FAT4: variants seen among roughly 807,000 people sequenced by gnomAD.
FAT4 encodes the protein protocadherin Fat 4.
Under a neutral mutation model 303.9 loss-of-function variants are expected in FAT4, and 84 were observed. The observed-to-expected ratio is 0.28, with a 90% CI of 0.23 to 0.33. The LOEUF (loss-of-function observed/expected upper bound fraction) is 0.33. Among genes scored for constraint, FAT4 ranks in the 10% least tolerant of loss-of-function variants. The pLI is 1.00. For missense variants in FAT4, 6,005 were observed against 6,146.8 expected, an observed-to-expected ratio of 0.98 and a Z score of 0.77; for synonymous variants, 2,307 against 2,298.8, an observed-to-expected ratio of 1.00 and a Z score of -0.10.
At chr4:125,439,393 C>T (rs1316144316) in intron 8 of FAT4, among the ~76,000 whole-genome samples, 3 of 150,372 alleles carry the variant, frequency 2.0e-5, no homozygotes, top group Admixed American at 6.6e-5. Context: ...CGTGCTGCGT[C>T]GTGATCTCAG....
intron 15 of FAT4, among the ~76,000 whole-genome samples, chr4:125,480,291 G>A (rs1727182450): frequency 6.6e-6 from 1 of 151,962 alleles, no homozygotes; most frequent in Admixed American, 6.6e-5. Flanking sequence ...ATCATACAGA[G>A]CCATCATAAT....
Position 125,452,365 on chromosome 4 carries a change from T to A in FAT4, c.11355T>A (p.Phe3785Leu). Residue 3785 changes from phenylalanine to leucine, a missense_variant, in exon 10 of 18, where the codon TTT (phenylalanine) becomes TTA (leucine). Physicochemically the swap from Phe to Leu is conservative, Grantham distance 22. Transcript: ENST00000394329. Reference protein sequence around the residue: ...YVNPSGVATFFESIKEILLRQ... With the variant: ...YVNPSGVATFLESIKEILLRQ... ...ATCCCAGTGGCGTAGCCACCTTCTT[T>A]GAAAGCATCAAAGAGATCCTTCTCC... is the stretch of plus-strand genomic sequence containing the variant. 6.2e-7 allele frequency: 1 copy of A among 1,614,216 alleles called. No homozygotes were observed. The highest frequency in any genetic ancestry group is 8.5e-7 in the Non-Finnish European group (1 of 1,180,040).
chr4:125,447,908 CT>C lies in FAT4; in HGVS notation c.7451-545del, dbSNP rs1172362772. ...ACACATATAAACATACACATATGCACTTTTTTTTCCATCTGATAATAGTTCA... is the reference window on the plus strand; with the variant it reads ...ACACATATAAACATACACATATGCACTTTTTTTCCATCTGATAATAGTTCA... On this transcript the variant is annotated intron_variant, in intron 9 of 17. Transcript: ENST00000394329. Among the ~76,000 whole-genome samples, 6 of 151,768 alleles carry C rather than the reference CT, an allele frequency of 4.0e-5. No individual in the cohort carries two copies. In the East Asian group the frequency reaches 5.8e-4, roughly 15 times the overall value.
chr4:125,378,579 T>A (rs1395003489), intron 2 of FAT4, among the ~76,000 whole-genome samples: 1 of 152,122 alleles, frequency 6.6e-6, no homozygotes, highest in African/African-American at 2.4e-5. Flanking sequence ...TATCCCAAAA[T>A]GGACAATTAT....
At chr4:125,377,267 A>G (rs1733367231) in intron 2 of FAT4, among the ~76,000 whole-genome samples, 1 of 152,080 alleles carries the variant, frequency 6.6e-6, no homozygotes, top group Non-Finnish European at 1.5e-5. Context: ...AGAAGCCTTT[A>G]CTATTTACTT....
At chr4:125,432,621 T>C (rs1381357849) in intron 7 of FAT4, among the ~76,000 whole-genome samples, 1 of 152,184 alleles carries the variant, frequency 6.6e-6, no homozygotes, top group Non-Finnish European at 1.5e-5. Context: ...TTTACATTTT[T>C]TTTTAGTTTA....
rs571821423 is a variant in FAT4 at position 125,371,529 on chromosome 4, A to G, written c.5176-27255A>G. 1.7e-4 allele frequency among the ~76,000 whole-genome samples: 26 copies of G among 151,854 alleles called. 1 individual carries two copies. The highest frequency in any genetic ancestry group is 1.1e-3 in the Admixed American group (17 of 15,242). The stretch of plus-strand genomic sequence containing the variant: ...TTTCATGCCATCTGCTATAAGTGCT[A>G]TAAGTAATAATATAGAAATAGTTGA... On this transcript the variant is annotated intron_variant, in intron 2 of 17. Transcript: ENST00000394329.
chr4:125,416,347 C>T (rs2126028699), intron 6 of FAT4, 101 bp from the exon 7 acceptor site: 1 of 1,019,570 alleles, frequency 9.8e-7, no homozygotes. Flanking sequence ...TCTTTGGAAT[C>T]TCTTAACATA....
chr4:125,357,963 C>G (rs1249739238), intron 2 of FAT4, among the ~76,000 whole-genome samples: 2 of 152,028 alleles, frequency 1.3e-5, no homozygotes, highest in Admixed American at 1.3e-4. Flanking sequence ...TTCCTTTTAC[C>G]CCTTGGTATT....
rs1359349630 is a variant in FAT4, at chr4:125,448,373, C to A, written c.7451-88C>A. The stretch of plus-strand genomic sequence containing the variant: ...GAGAAAATAAGGTCACATCAAGCAG[C>A]AATAGAGTGTCTTATATGCACTTAT... On this transcript the variant is annotated intron_variant, in intron 9 of 17. Transcript: ENST00000394329. 5 of 1,194,248 alleles carry A rather than the reference C, an allele frequency of 4.2e-6. No homozygotes were observed. The East Asian group carries it at 9.4e-5, about 22-fold the overall frequency. The allele number at this position is 1,194,248 out of a possible 1,614,324, so 74.0% of individuals were successfully genotyped here.
chr4:125,468,836 T>G lies in FAT4; in HGVS notation c.12213+17T>G. 1 of 1,598,224 alleles carries G rather than the reference T, an allele frequency of 6.3e-7. No homozygotes were observed. Among genetic ancestry groups the G allele is most frequent in the Non-Finnish European group, 8.6e-7 (1 of 1,168,952 alleles). On this transcript the variant is annotated intron_variant, in intron 12 of 17. Transcript: ENST00000394329. ...GCAGGAATGGTAAGATATTTCATTTTATTGTTGTTGTATATCCAACTGGAT... is the reference window on the plus strand; with the variant it reads ...GCAGGAATGGTAAGATATTTCATTTGATTGTTGTTGTATATCCAACTGGAT...
chr4:125,351,849 C>T (rs373444033), intron 2 of FAT4, among the ~76,000 whole-genome samples: 156 of 151,682 alleles, frequency 1.0e-3, no homozygotes, highest in Middle Eastern at 0.01. Context: ...ATGAATTCTT[C>T]AGAATTTTCC....
chr4:125,490,527 A>G lies in FAT4; in HGVS notation c.13711A>G (p.Met4571Val), dbSNP rs1032445609. 3.7e-6 allele frequency: 6 copies of G among 1,614,004 alleles called. No individual in the cohort carries two copies. The highest frequency in any genetic ancestry group is 3.3e-4 in the Middle Eastern group (2 of 6,084). The change falls in exon 18 of 18, where the codon ATG becomes GTG. Residue 4571 changes from methionine to valine, a missense_variant. Met to Val is a conservative substitution (Grantham distance 21). Coordinates refer to ENST00000394329, the MANE Select transcript of FAT4 (RefSeq NM_001291303.3). ...CAATATCCCTCCCTATGGGGATGAC[A>G]TGACTGTGAGGAAGCAGCCTGAAGG... is the stretch of plus-strand genomic sequence containing the variant. ...PDNIPPYGDD[M>V]TVRKQPEGNP... is the part of the protein sequence containing the mutation.
At chr4:125,379,671 G>A (rs549451318) in intron 2 of FAT4, among the ~76,000 whole-genome samples, 1 of 152,054 alleles carries the variant, frequency 6.6e-6, no homozygotes, top group South Asian at 2.1e-4. Flanking sequence ...TGTTGGCCAG[G>A]CTGGTATTGA....
In FAT4 at chr4:125,415,221, G is replaced by GTAC. The variant is rs1734998598; in HGVS notation, c.6259_6261dup (p.Tyr2087dup). On this transcript the variant is annotated inframe_insertion, in exon 6 of 18. Transcript: ENST00000394329. ...ATAGTGGCCCAAACAGCTATATTGA[G>GTAC]TACACTCTGCTGAACCCTTTGGGAA... 1.2e-6 allele frequency: 2 copies of GTAC among 1,613,930 alleles called. No individual in the cohort carries two copies. Among genetic ancestry groups the GTAC allele is most frequent in the South Asian group, 2.2e-5 (2 of 91,086 alleles).
intron 2 of FAT4, among the ~76,000 whole-genome samples, chr4:125,350,605 C>T (rs78318233): frequency 3.3e-4 from 50 of 151,676 alleles, no homozygotes; most frequent in African/African-American, 1.1e-3. Flanking sequence ...TCATTCAGTC[C>T]GAATGTTCCT....
chr4:125,384,847 A>G lies in FAT4; in HGVS notation c.5176-13937A>G, dbSNP rs1290769742. 4.0e-5 allele frequency among the ~76,000 whole-genome samples: 6 copies of G among 151,886 alleles called. No individual in the cohort carries two copies. In the East Asian group the frequency reaches 1.2e-3, roughly 29 times the overall value. ...GGGCCTGAGCTCTAGTAAGATATCA[A>G]TGAATGTTTGTTGGATTCATTAATG... On this transcript the variant is annotated intron_variant, in intron 2 of 17. Transcript: ENST00000394329.
Position 125,318,267 on chromosome 4 carries a change from G to T in FAT4, c.1856G>T (p.Arg619Leu), listed in dbSNP as rs751131695. 2 of 1,614,202 alleles carry T rather than the reference G, an allele frequency of 1.2e-6. No homozygotes were observed. Among genetic ancestry groups the T allele is most frequent in the Non-Finnish European group, 1.7e-6 (2 of 1,180,054 alleles). Residue 619 changes from arginine to leucine, a missense_variant, in exon 2 of 18, where the codon CGC becomes CTC. Coordinates refer to ENST00000394329, the MANE Select transcript of FAT4 (RefSeq NM_001291303.3). ...GACCTGGGTGACAACGGAACAGTGC[G>T]CTTCTCCTTACAAGAGGCAGAGACT... ...DGDLGDNGTVRFSLQEAETDR... is the reference protein window; with the variant it reads ...DGDLGDNGTVLFSLQEAETDR...
chr4:125,474,480 A>G (rs17215711), intron 12 of FAT4, among the ~76,000 whole-genome samples: 54,998 of 151,804 alleles, frequency 0.36, 10,099 homozygotes, highest in Middle Eastern at 0.45. Context: ...ATGACTTGCC[A>G]GAGAATTGGA....
Sources: gnomAD v4.1 joint callset for allele counts (sites outside exome capture counted in the v4.1 genomes callset) on GRCh38, gnomAD v4.1.1 for gene constraint, MANE v1.5 for transcripts, NCBI Gene and HGNC (gene_info 2026-07-23, HGNC 2026-07-21) for gene names.